CTNNA3: variants seen among roughly 807,000 people sequenced by gnomAD.
CTNNA3 encodes catenin alpha 3.
Under a neutral mutation model 95.7 loss-of-function variants are expected in CTNNA3, and 76 were observed. The ratio of observed to expected loss-of-function variants is 0.79; its 90% CI spans 0.66 to 0.96. The LOEUF (loss-of-function observed/expected upper bound fraction) is 0.96, where lower values mean the gene tolerates loss of function less well. CTNNA3 is among the 40% of genes least tolerant of loss of function. CTNNA3 has a pLI of 0.00. For missense variants in CTNNA3, 1,191 were observed against 1,089.8 expected (o/e 1.09, Z -1.31); for synonymous variants, 431 against 374.4 (o/e 1.15, Z -1.74).
At chr10:67,301,238 C>T (rs1840253782) in intron 5 of CTNNA3, among the ~76,000 whole-genome samples, 1 of 152,058 alleles carries the variant, frequency 6.6e-6, no homozygotes. Context: ...ATTTAACTTC[C>T]TGAGAGACAT....
At chr10:67,243,573 C>T (rs1457578922) in intron 5 of CTNNA3, among the ~76,000 whole-genome samples, 3 of 152,120 alleles carry the variant, frequency 2.0e-5, no homozygotes, top group Non-Finnish European at 4.4e-5. Flanking sequence ...AATAAGAAAA[C>T]TCATATTTTT....
rs543638522 is a variant in CTNNA3, at chr10:66,112,043, C to T, written c.1885-8794G>A. Among the ~76,000 whole-genome samples the T allele has an allele frequency of 2.8e-4, 43 of 152,258 alleles. No homozygotes were observed. The South Asian group carries it at 7.7e-3, about 27-fold the overall frequency. Reference sequence around the variant, plus strand: ...GACAAACATTAGGCTGGATCAAACACCTCCTCAACACTGAGAGATCTCAAC... The same window carrying T: ...GACAAACATTAGGCTGGATCAAACATCTCCTCAACACTGAGAGATCTCAAC... On this transcript the variant is annotated intron_variant, in intron 13 of 17. Transcript: ENST00000433211.
At chr10:67,500,732 G>A (rs184557888) in intron 5 of CTNNA3, among the ~76,000 whole-genome samples, 1 of 152,262 alleles carries the variant, frequency 6.6e-6, no homozygotes, top group East Asian at 1.9e-4. Flanking sequence ...GGTTTTATCA[G>A]AGACTAGGAT....
chr10:66,251,493 G>T (rs2090550806), intron 13 of CTNNA3, among the ~76,000 whole-genome samples: 1 of 151,950 alleles, frequency 6.6e-6, no homozygotes, highest in Non-Finnish European at 1.5e-5. Context: ...GGCTAAATTG[G>T]CATCAAAATA....
intron 7 of CTNNA3, among the ~76,000 whole-genome samples, chr10:67,101,427 G>T (rs764921060): frequency 2.0e-5 from 3 of 146,564 alleles, no homozygotes; most frequent in Non-Finnish European, 4.5e-5. Flanking sequence ...TTTTTTACTT[G>T]TAATAATAGA....
intron 11 of CTNNA3, among the ~76,000 whole-genome samples, chr10:66,385,397 G>T (rs1327814251): frequency 6.6e-6 from 1 of 152,106 alleles, no homozygotes; most frequent in Non-Finnish European, 1.5e-5. Flanking sequence ...CCAGGAAGAA[G>T]TTGAATCTCT....
intron 5 of CTNNA3, among the ~76,000 whole-genome samples, chr10:67,379,425 T>C (rs1258505242): frequency 6.6e-6 from 1 of 152,204 alleles, no homozygotes; most frequent in African/African-American, 2.4e-5. Flanking sequence ...GTTTATAAAT[T>C]GAAAGGCATT....
intron 1 of CTNNA3, among the ~76,000 whole-genome samples, chr10:67,725,740 T>C (rs1387866510): frequency 6.6e-6 from 1 of 151,728 alleles, no homozygotes; most frequent in African/African-American, 2.4e-5. Flanking sequence ...ATGTTCTAAA[T>C]GTTAGAGGTT....
At chr10:67,524,960 A>C (rs1421696529) in intron 4 of CTNNA3, among the ~76,000 whole-genome samples, 1 of 152,202 alleles carries the variant, frequency 6.6e-6, no homozygotes, top group African/African-American at 2.4e-5. Context: ...ATATTTGTTC[A>C]GTACATGATA....
chr10:65,969,537 G>A (rs1029978826), intron 16 of CTNNA3, among the ~76,000 whole-genome samples: 2 of 152,088 alleles, frequency 1.3e-5, no homozygotes, highest in Non-Finnish European at 2.9e-5. Flanking sequence ...ACTTTTTAAA[G>A]CAATCCAGAG....
intron 5 of CTNNA3, among the ~76,000 whole-genome samples, chr10:67,364,379 A>G (rs1331563133): frequency 1.3e-5 from 2 of 152,202 alleles, no homozygotes; most frequent in Non-Finnish European, 2.9e-5. Flanking sequence ...CTGAATGGCA[A>G]AAACTGGAAG....
intron 5 of CTNNA3, among the ~76,000 whole-genome samples, chr10:67,379,342 G>C (rs1445151861): frequency 6.6e-6 from 1 of 152,046 alleles, no homozygotes; most frequent in African/African-American, 2.4e-5. Context: ...TCTACAAAAC[G>C]AAGGTGATAT....
In CTNNA3 at chr10:67,761,572, C is replaced by T. The variant is rs141096537; in HGVS notation, c.-2+1862G>A. 2.6e-3 allele frequency among the ~76,000 whole-genome samples: 388 copies of T among 152,102 alleles called. 1 individual carries two copies. The highest frequency in any genetic ancestry group is 8.6e-3 in the African/African-American group (358 of 41,492). On this transcript the variant is annotated intron_variant, in intron 1 of 17. Coordinates refer to the CTNNA3 transcript ENST00000684154. ...ACACCCAAATTAGCTTAATTGAAAC[C>T]GCCACATAAAAGAACAGAAACACGA...
chr10:66,263,292 T>C (rs114987934), intron 13 of CTNNA3, among the ~76,000 whole-genome samples: 2,889 of 152,016 alleles, frequency 0.019, 103 homozygotes, highest in African/African-American at 0.066. Flanking sequence ...TCCCTGCAGA[T>C]ATTCATAAGG....
chr10:67,033,459 G>GA (rs1047760043), intron 7 of CTNNA3, among the ~76,000 whole-genome samples: 22 of 152,118 alleles, frequency 1.4e-4, no homozygotes, highest in African/African-American at 5.1e-4. Context: ...TACTTGGTCA[G>GA]AAAAAATTCA....
chr10:66,175,848 G>T (rs768751492), intron 13 of CTNNA3, among the ~76,000 whole-genome samples: 1 of 152,082 alleles, frequency 6.6e-6, no homozygotes. Flanking sequence ...GAATTATCAT[G>T]GGTTAAACTT....
At chr10:66,029,139 A>G (rs555993030) in intron 15 of CTNNA3, among the ~76,000 whole-genome samples, 1 of 152,340 alleles carries the variant, frequency 6.6e-6, no homozygotes, top group South Asian at 2.1e-4. Context: ...TGAAGGACAC[A>G]TCACAATTTT....
chr10:66,850,567 T>C (rs1399984839), intron 7 of CTNNA3, among the ~76,000 whole-genome samples: 1 of 152,160 alleles, frequency 6.6e-6, no homozygotes. Flanking sequence ...AGGAGTATGC[T>C]TGTGTGTGGT....
intron 11 of CTNNA3, among the ~76,000 whole-genome samples, chr10:66,507,403 T>C (rs1033532717): frequency 5.3e-5 from 8 of 152,084 alleles, no homozygotes; most frequent in South Asian, 4.1e-4. Context: ...CAATAAATTA[T>C]TAACTATATT....
Sources: allele counts gnomAD v4.1 joint callset (sites outside exome capture counted in the v4.1 genomes callset), GRCh38; gene constraint gnomAD v4.1.1; transcripts MANE v1.5; gene names NCBI Gene and HGNC (gene_info 2026-07-23, HGNC 2026-07-21).